KCNN2: variants seen among roughly 807,000 people sequenced by gnomAD.
KCNN2 encodes potassium calcium-activated channel subfamily N member 2.
In KCNN2, 24 loss-of-function variants were observed where a neutral mutation model predicts 55.5. The observed-to-expected ratio is 0.43, with a 90% confidence interval of 0.31 to 0.61. The LOEUF is 0.61. Among genes scored for constraint, KCNN2 ranks in the 20% least tolerant of loss-of-function variants. The pLI, the probability that KCNN2 is intolerant of heterozygous loss-of-function variation, is 0.08. For synonymous variants in KCNN2, 431 were observed against 336.1 expected (o/e 1.28, Z -3.09); for missense variants, 754 against 853.6 (o/e 0.88, Z 1.45).
intron 2 of KCNN2, among the ~76,000 whole-genome samples, chr5:114,268,246 C>G (rs1212308262): frequency 6.6e-6 from 1 of 152,224 alleles, no homozygotes; most frequent in Non-Finnish European, 1.5e-5. Flanking sequence ...GCTTCCCTTT[C>G]TATTTACATT....
chr5:114,321,233 A>T (rs1395500537), intron 2 of KCNN2, among the ~76,000 whole-genome samples: 1 of 152,120 alleles, frequency 6.6e-6, no homozygotes, highest in Non-Finnish European at 1.5e-5. Flanking sequence ...TCCTTACCTT[A>T]TATTGAGGGT....
intron 2 of KCNN2, among the ~76,000 whole-genome samples, chr5:114,228,762 A>G (rs1172803424): frequency 6.6e-6 from 1 of 152,074 alleles, no homozygotes; most frequent in East Asian, 1.9e-4. Context: ...AATGTTGTCA[A>G]TCACATACAT....
At position 114,278,503 on chromosome 5, in the gene KCNN2, C is replaced by T. The variant is rs1437516164; in HGVS notation, c.-185+56938C>T. Among the ~76,000 whole-genome samples, 8 of 152,236 alleles carry T rather than the reference C, an allele frequency of 5.3e-5. 1 individual carries two copies. Among genetic ancestry groups the T allele is most frequent in the African/African-American group, 1.9e-4 (8 of 41,468 alleles). On this transcript the variant is annotated intron_variant, in intron 2 of 10. Transcript: ENST00000512097. ...CGCCTTGCTGAGCTGCAGTGGGCTCCGCCCAGTTCAAGCTTCCCTGCTGCT... is the reference window on the plus strand; with the variant it reads ...CGCCTTGCTGAGCTGCAGTGGGCTCTGCCCAGTTCAAGCTTCCCTGCTGCT...
At chr5:114,211,785 G>A (rs570255417) in intron 1 of KCNN2, among the ~76,000 whole-genome samples, 1 of 150,988 alleles carries the variant, frequency 6.6e-6, no homozygotes, top group Admixed American at 6.6e-5. Flanking sequence ...GACAGAAAAA[G>A]GTTGCATATA....
At chr5:114,291,539 A>G (rs974668203) in intron 2 of KCNN2, among the ~76,000 whole-genome samples, 6 of 151,704 alleles carry the variant, frequency 4.0e-5, no homozygotes, top group Non-Finnish European at 1.5e-5. Flanking sequence ...TTATGGCTGC[A>G]TAGTATGCCA....
chr5:114,179,207 T>G (rs1753191563), intron 1 of KCNN2, among the ~76,000 whole-genome samples: 1 of 152,232 alleles, frequency 6.6e-6, no homozygotes, highest in Admixed American at 6.5e-5. Context: ...TCCCAACGTT[T>G]AATTAAGCTG....
intron 2 of KCNN2, among the ~76,000 whole-genome samples, chr5:114,305,840 A>G (rs1756258928): frequency 6.6e-6 from 1 of 152,216 alleles, no homozygotes; most frequent in Non-Finnish European, 1.5e-5. Context: ...AGATTCTTAA[A>G]TGTTTCCAGT....
At chr5:114,372,548 G>A (rs1757794213) in intron 2 of KCNN2, among the ~76,000 whole-genome samples, 1 of 151,928 alleles carries the variant, frequency 6.6e-6, no homozygotes, top group Non-Finnish European at 1.5e-5. Context: ...TATAATATAA[G>A]CTTTATGACC....
intron 2 of KCNN2, among the ~76,000 whole-genome samples, chr5:114,294,001 C>G (rs138037659): frequency 6.6e-6 from 1 of 151,994 alleles, no homozygotes; most frequent in Non-Finnish European, 1.5e-5. Flanking sequence ...TAGTATTCTC[C>G]GATGGTAGTT....
intron 2 of KCNN2, among the ~76,000 whole-genome samples, chr5:114,281,489 A>T (rs1189603236): frequency 6.6e-6 from 1 of 152,062 alleles, no homozygotes; most frequent in African/African-American, 2.4e-5. Flanking sequence ...CAAGACATTT[A>T]TATTAAGACC....
At chr5:114,094,215 G>C (rs536465225) in intron 1 of KCNN2, among the ~76,000 whole-genome samples, 9 of 148,528 alleles carry the variant, frequency 6.1e-5, no homozygotes, top group African/African-American at 2.3e-4. Context: ...CTGTGTAGCT[G>C]TTTTGTGACA....
At position 114,211,559 on chromosome 5, in the gene KCNN2, T is replaced by G. The variant is rs372412012; in HGVS notation, c.-270-9921T>G. On this transcript the variant is annotated intron_variant, in intron 1 of 10. Transcript: ENST00000512097. ...GGAACAACAGACTCTGGGACCTACC[T>G]GAGGGAGGAGGGTGGGAGAAGGAAG... 1.7e-3 allele frequency among the ~76,000 whole-genome samples: 264 copies of G among 152,114 alleles called. 1 individual carries two copies. Among genetic ancestry groups the G allele is most frequent in the African/African-American group, 5.9e-3 (243 of 41,530 alleles).
intron 2 of KCNN2, among the ~76,000 whole-genome samples, chr5:114,246,372 A>T: frequency 6.6e-6 from 1 of 152,160 alleles, no homozygotes; most frequent in Non-Finnish European, 1.5e-5. Context: ...AGAAACCATT[A>T]TGTTGTTGAA....
intron 2 of KCNN2, among the ~76,000 whole-genome samples, chr5:114,242,828 T>C (rs1195435523): frequency 6.6e-6 from 1 of 152,204 alleles, no homozygotes; most frequent in East Asian, 1.9e-4. Context: ...TTGTATTGCT[T>C]CCCCTATTAC....
chr5:114,215,479 C>G (rs1034593116), intron 1 of KCNN2, among the ~76,000 whole-genome samples: 1 of 152,124 alleles, frequency 6.6e-6, no homozygotes, highest in Non-Finnish European at 1.5e-5. Context: ...TGGACTAACA[C>G]TCTAAGGCAG....
rs565888326 is a variant in KCNN2, at chr5:114,256,364, T to C, written c.-185+34799T>C. Among the ~76,000 whole-genome samples, 34 of 152,300 alleles carry C rather than the reference T, an allele frequency of 2.2e-4. No individual in the cohort carries two copies. The South Asian group carries it at 6.0e-3, about 27-fold the overall frequency. ...TATGAGTGCAAGTATATTTTTGGTA[T>C]AATGATTGCTTTTTCTTTGTGTGGA... On this transcript the variant is annotated intron_variant, in intron 2 of 10. Transcript: ENST00000512097.
chr5:114,387,337 T>G (rs1484639408), intron 2 of KCNN2, among the ~76,000 whole-genome samples: 2 of 152,182 alleles, frequency 1.3e-5, no homozygotes, highest in African/African-American at 4.8e-5. Context: ...TAACTATTAA[T>G]GTAACAACAT....
At chr5:114,226,094 G>A (rs1024762445) in intron 2 of KCNN2, among the ~76,000 whole-genome samples, 1 of 144,636 alleles carries the variant, frequency 6.9e-6, no homozygotes, top group Non-Finnish European at 1.5e-5. Context: ...GAAATACCAG[G>A]TCGAAAGAAG....
intron 4 of KCNN2, among the ~76,000 whole-genome samples, chr5:114,471,736 A>G (rs1761755837): frequency 1.3e-5 from 2 of 152,178 alleles, no homozygotes; most frequent in African/African-American, 2.4e-5. Flanking sequence ...TGATTTCTTC[A>G]TAGAACTAGA....
Sources: gnomAD v4.1 joint callset for allele counts (sites outside exome capture counted in the v4.1 genomes callset) on GRCh38, gnomAD v4.1.1 for gene constraint, MANE v1.5 for transcripts, NCBI Gene and HGNC (gene_info 2026-07-23, HGNC 2026-07-21) for gene names.